GRID2: variants seen among roughly 807,000 people sequenced by gnomAD.
The protein encoded by GRID2 is glutamate receptor ionotropic, delta-2.
A neutral mutation model predicts 114.8 loss-of-function variants in GRID2; 33 were observed. That is an observed-to-expected ratio of 0.29 (90% CI 0.22 to 0.38). The LOEUF (loss-of-function observed/expected upper bound fraction) is 0.38. Among genes scored for constraint, GRID2 ranks in the 10% least tolerant of loss-of-function variants. The pLI, the probability that GRID2 is intolerant of heterozygous loss-of-function variation, is 1.00. For missense variants in GRID2, 1,184 were observed against 1,257.7 expected (o/e 0.94, Z 0.89); for synonymous variants, 505 against 449.9 (o/e 1.12, Z -1.55).
chr4:93,525,639 G>A (rs1188894172), intron 13 of GRID2, among the ~76,000 whole-genome samples: 1 of 152,034 alleles, frequency 6.6e-6, no homozygotes, highest in Non-Finnish European at 1.5e-5. Context: ...ATTTTTTCTG[G>A]AATGAATATT....
chr4:93,727,128 T>C (rs914156487), intron 14 of GRID2, among the ~76,000 whole-genome samples: 9 of 152,184 alleles, frequency 5.9e-5, no homozygotes, highest in African/African-American at 1.9e-4. Flanking sequence ...GGGTTTGTCA[T>C]AGATAGCTCT....
chr4:93,798,768 T>C (rs1734859239), intron 1 of GRID2, among the ~76,000 whole-genome samples: 1 of 152,146 alleles, frequency 6.6e-6, no homozygotes, highest in Non-Finnish European at 1.5e-5. Context: ...TTCCAATGCC[T>C]CTCCCCACCC....
chr4:93,738,913 A>G (rs1014501133), intron 14 of GRID2, among the ~76,000 whole-genome samples: 5 of 152,110 alleles, frequency 3.3e-5, no homozygotes, highest in African/African-American at 1.2e-4. Flanking sequence ...TGGAGAGAGG[A>G]AGAGGAATGT....
chr4:93,180,752 A>T (rs1739816209), intron 4 of GRID2, among the ~76,000 whole-genome samples: 1 of 152,146 alleles, frequency 6.6e-6, no homozygotes, highest in Admixed American at 6.5e-5. Flanking sequence ...TTGCTCATTC[A>T]CTAGATTCAA....
At chr4:93,148,618 C>A (rs1736461077) in intron 4 of GRID2, among the ~76,000 whole-genome samples, 1 of 151,874 alleles carries the variant, frequency 6.6e-6, no homozygotes, top group Non-Finnish European at 1.5e-5. Flanking sequence ...TTAAAATGCA[C>A]AAGGAGGTAT....
chr4:92,995,979 T>C (rs1274299490), intron 2 of GRID2, among the ~76,000 whole-genome samples: 1 of 151,908 alleles, frequency 6.6e-6, no homozygotes, highest in Non-Finnish European at 1.5e-5. Flanking sequence ...CATGGTAACA[T>C]AGAGTTATGT....
intron 13 of GRID2, among the ~76,000 whole-genome samples, chr4:93,606,266 C>CA (rs1399627218): frequency 1.1e-4 from 16 of 147,152 alleles, no homozygotes; most frequent in South Asian, 2.2e-4. Context: ...GAGTCTGACT[C>CA]AAAAAAAAAT....
chr4:93,729,142 C>A (rs1730239766), intron 14 of GRID2, among the ~76,000 whole-genome samples: 1 of 152,134 alleles, frequency 6.6e-6, no homozygotes, highest in African/African-American at 2.4e-5. Flanking sequence ...ATGATCCGCC[C>A]ACCTTGGCCT....
At chr4:92,817,989 A>G (rs1412622003) in intron 2 of GRID2, among the ~76,000 whole-genome samples, 2 of 152,176 alleles carry the variant, frequency 1.3e-5, no homozygotes, top group Non-Finnish European at 2.9e-5. Flanking sequence ...ATGTTATCCA[A>G]AAGATGCTGC....
intron 13 of GRID2, among the ~76,000 whole-genome samples, chr4:93,564,826 T>C (rs897630740): frequency 2.0e-5 from 3 of 152,084 alleles, no homozygotes; most frequent in East Asian, 3.9e-4. Flanking sequence ...TTCAGGAAAA[T>C]ACAGCACCAT....
At chr4:93,051,453 G>C (rs999816539) in intron 2 of GRID2, among the ~76,000 whole-genome samples, 1 of 151,958 alleles carries the variant, frequency 6.6e-6, no homozygotes, top group African/African-American at 2.4e-5. Context: ...CTCAGACCTA[G>C]ACAATGGCTC....
chr4:92,683,149 C>T (rs1418233475), intron 2 of GRID2, among the ~76,000 whole-genome samples: 1 of 151,852 alleles, frequency 6.6e-6, no homozygotes, highest in African/African-American at 2.4e-5. Context: ...AATACCAAAA[C>T]TTAGCTGGGC....
At chr4:93,649,119 C>T (rs1722363232) in intron 14 of GRID2, among the ~76,000 whole-genome samples, 1 of 152,136 alleles carries the variant, frequency 6.6e-6, no homozygotes, top group South Asian at 2.1e-4. Flanking sequence ...ATGATATCAT[C>T]TTCAACAACC....
chr4:93,420,381 C>T (rs1217952104), intron 9 of GRID2, among the ~76,000 whole-genome samples: 3 of 152,092 alleles, frequency 2.0e-5, no homozygotes, highest in Non-Finnish European at 4.4e-5. Context: ...TTGTACAAGG[C>T]GTAATCATTG....
intron 4 of GRID2, among the ~76,000 whole-genome samples, chr4:93,122,348 G>T (rs749261149): frequency 1.3e-4 from 20 of 152,108 alleles, no homozygotes; most frequent in Admixed American, 2.6e-4. Flanking sequence ...GTGTCTAAAT[G>T]GAAAGAATAA....
chr4:92,716,771 A>G (rs1001579020), intron 2 of GRID2, among the ~76,000 whole-genome samples: 4 of 152,170 alleles, frequency 2.6e-5, no homozygotes, highest in East Asian at 1.9e-4. Flanking sequence ...TGCCTGGGAG[A>G]AAATCATTTG....
chr4:92,533,582 TGA>T (rs567047237), intron 1 of GRID2, among the ~76,000 whole-genome samples: 25 of 152,124 alleles, frequency 1.6e-4, no homozygotes, highest in Admixed American at 9.2e-4. Flanking sequence ...CCTACCCCTA[TGA>T]GAGAAACACA....
At chr4:92,559,601 G>A (rs1727021791) in intron 1 of GRID2, among the ~76,000 whole-genome samples, 1 of 152,052 alleles carries the variant, frequency 6.6e-6, no homozygotes, top group South Asian at 2.1e-4. Context: ...GTCAAAGCAA[G>A]GTATGAGTCA....
intron 2 of GRID2, among the ~76,000 whole-genome samples, chr4:92,849,635 C>T (rs1219963424): frequency 6.6e-6 from 1 of 151,902 alleles, no homozygotes; most frequent in Non-Finnish European, 1.5e-5. Flanking sequence ...CAACTTATAA[C>T]ATCTTTTCTT....
Sources: allele counts gnomAD v4.1 joint callset (sites outside exome capture counted in the v4.1 genomes callset), GRCh38; gene constraint gnomAD v4.1.1; transcripts MANE v1.5; gene names NCBI Gene and HGNC (gene_info 2026-07-23, HGNC 2026-07-21).